Variants in MLIP observed in about 807,000 individuals in gnomAD.
MLIP encodes the protein muscular LMNA interacting protein, also known as muscular LMNA-interacting protein.
In MLIP, 79 loss-of-function variants were observed where a neutral mutation model predicts 84.8. The ratio of observed to expected loss-of-function variants is 0.93; its 90% CI spans 0.78 to 1.12. The LOEUF (loss-of-function observed/expected upper bound fraction) is 1.12, where lower values mean the gene tolerates loss of function less well. MLIP is among the 50% of genes most tolerant of loss of function. The probability of loss-of-function intolerance (pLI) is 0.00; values close to 1 mark genes in which losing one functional copy is unlikely to be tolerated. For missense variants in MLIP, 1,257 were observed against 1,160.6 expected, an observed-to-expected ratio of 1.08 and a Z score of -1.21; for synonymous variants, 504 against 463.0, an observed-to-expected ratio of 1.09 and a Z score of -1.14.
rs145964847 is a variant in MLIP at position 54,230,881 on chromosome 6, T to A, written c.2886T>A (p.Asn962Lys). The change falls in exon 12 of 14, where the codon AAT becomes AAA. Residue 962 changes from asparagine (N) to lysine (K), a missense_variant. By Grantham distance (94) the Asn-to-Lys change is moderately conservative. Transcript: ENST00000502396. The stretch of plus-strand genomic sequence containing the variant: ...TCTCCTTGAGTGATGAACAGGAGAA[T>A]TCTCACACCCTCCTCAGTCACAACG... ...LSFSLSDEQENSHTLLSHNAC... is the reference protein window; with the variant it reads ...LSFSLSDEQEKSHTLLSHNAC... 4.3e-6 allele frequency: 7 copies of A among 1,613,848 alleles called. No homozygotes were observed. The highest frequency in any genetic ancestry group is 2.7e-5 in the African/African-American group (2 of 74,876).
intron 1 of MLIP, among the ~76,000 whole-genome samples, chr6:54,038,719 C>T (rs1764582708): frequency 6.6e-6 from 1 of 151,824 alleles, no homozygotes; most frequent in Non-Finnish European, 1.5e-5. Context: ...AAAAAGTCTC[C>T]TGAACTTTTG....
chr6:54,056,030 C>T (rs114178436), intron 1 of MLIP, among the ~76,000 whole-genome samples: 106 of 152,152 alleles, frequency 7.0e-4, no homozygotes, highest in African/African-American at 2.0e-3. Context: ...AACTTCTCTA[C>T]GACAACCATA....
upstream of MLIP, among the ~76,000 whole-genome samples, chr6:54,106,984 G>A (rs767620532): frequency 2.0e-5 from 3 of 152,138 alleles, no homozygotes; most frequent in Non-Finnish European, 4.4e-5. Context: ...GATAGGAAGA[G>A]GACTGAAAGG....
chr6:54,124,869 G>A lies in MLIP; in HGVS notation c.645+4G>A. The stretch of plus-strand genomic sequence containing the variant: ...CCCTCAGCAAAAGCATGGGCAGGTA[G>A]GTTTTGTGTTCCTGCTGTCCATAAG... On this transcript the variant is annotated splice_donor_region_variant and intron_variant, in intron 3 of 13. Transcript: ENST00000502396. The A allele has an allele frequency of 2.6e-6, 4 of 1,566,156 alleles. No individual in the cohort carries two copies. Among genetic ancestry groups the A allele is most frequent in the East Asian group, 2.3e-5 (1 of 44,430 alleles).
Position 54,172,184 on chromosome 6 carries a change from T to A in MLIP, c.2544+2612T>A, listed in dbSNP as rs996898092. 2.0e-5 allele frequency among the ~76,000 whole-genome samples: 3 copies of A among 151,824 alleles called. No homozygotes were observed. The East Asian group carries it at 5.8e-4, about 29-fold the overall frequency. ...TTCTTTAAAAGTATAATGTATCTGATTACTACACGTTGTATGTCTCAAAAC... is the reference window on the plus strand; with the variant it reads ...TTCTTTAAAAGTATAATGTATCTGAATACTACACGTTGTATGTCTCAAAAC... On this transcript the variant is annotated intron_variant, in intron 9 of 13. Transcript: ENST00000502396.
At chr6:54,027,845 G>A (rs1318850969) in intron 1 of MLIP, among the ~76,000 whole-genome samples, 2 of 152,190 alleles carry the variant, frequency 1.3e-5, no homozygotes, top group African/African-American at 4.8e-5. Flanking sequence ...TGGATCTTTT[G>A]ATATAGCTCT....
chr6:54,234,095 T>C (rs192090905), intron 12 of MLIP, among the ~76,000 whole-genome samples: 2 of 152,308 alleles, frequency 1.3e-5, no homozygotes, highest in Non-Finnish European at 2.9e-5. Flanking sequence ...TTCTGGATAT[T>C]AGCCCTTTGA....
In MLIP at chr6:54,136,814, A is replaced by G; in HGVS notation, c.745A>G (p.Asn249Asp). Reference sequence around the variant, plus strand: ...TCCGAACACACCACCCGACCCAGTTAACCTCGAGGGAGCCTCTGTCCTAGA... The same window carrying G: ...TCCGAACACACCACCCGACCCAGTTGACCTCGAGGGAGCCTCTGTCCTAGA... ...TNPNTPPDPV[N>D]LEGASVLEEF... Residue 249 changes from asparagine to aspartate, a missense_variant, in exon 4 of 14, where the codon AAC (asparagine) becomes GAC (aspartate). Physicochemically the swap from Asn to Asp is conservative, Grantham distance 23 (BLOSUM62 1). Transcript: ENST00000502396. The G allele has an allele frequency of 6.5e-7, 1 of 1,530,074 alleles. No homozygotes were observed. Among genetic ancestry groups the G allele is most frequent in the South Asian group, 1.2e-5 (1 of 83,962 alleles). The allele number at this position is 1,530,074 out of a possible 1,614,324, so 94.8% of individuals were successfully genotyped here.
chr6:54,198,551 G>A lies in MLIP; in HGVS notation c.2590-3554G>A, dbSNP rs148301354. On this transcript the variant is annotated intron_variant, in intron 10 of 13. Transcript: ENST00000502396. ...AATATGCAGAAACAAGCCCTTTGCT[G>A]TAACTCTGTGTGGTATAATTCCTGA... Among the ~76,000 whole-genome samples, 1,108 of 152,188 alleles carry A rather than the reference G, an allele frequency of 7.3e-3. 19 individuals are homozygous for A. Among genetic ancestry groups the A allele is most frequent in the African/African-American group, 0.025 (1,024 of 41,544 alleles).
At chr6:54,225,722 T>A (rs1439802763) in intron 11 of MLIP, among the ~76,000 whole-genome samples, 1 of 152,190 alleles carries the variant, frequency 6.6e-6, no homozygotes, top group African/African-American at 2.4e-5. Context: ...GAAAAGAATG[T>A]AATTGTCTCC....
chr6:54,208,653 C>T (rs929075669), intron 11 of MLIP, among the ~76,000 whole-genome samples: 1 of 152,192 alleles, frequency 6.6e-6, no homozygotes. Context: ...ACAAGAGTCT[C>T]TATCTCAAAC....
chr6:54,085,681 C>T (rs1186049174), intron 1 of MLIP, among the ~76,000 whole-genome samples: 1 of 152,180 alleles, frequency 6.6e-6, no homozygotes, highest in Non-Finnish European at 1.5e-5. Flanking sequence ...CTGTTAGAAG[C>T]CTTCAACTTG....
At chr6:54,026,714 AGTGTGTGT>A (rs61442646) in intron 1 of MLIP, among the ~76,000 whole-genome samples, 1 of 149,804 alleles carries the variant, frequency 6.7e-6, no homozygotes. Flanking sequence ...CTGTGTCTTC[AGTGTGTGT>A]GTGTGTGTGT....
At chr6:54,170,689 G>T (rs1223660633) in intron 9 of MLIP, among the ~76,000 whole-genome samples, 2 of 151,482 alleles carry the variant, frequency 1.3e-5, no homozygotes, top group Admixed American at 1.3e-4. Context: ...ATGAAATGGG[G>T]ATACTAATAA....
At chr6:54,034,986 T>C (rs978725756) in intron 1 of MLIP, among the ~76,000 whole-genome samples, 1 of 152,176 alleles carries the variant, frequency 6.6e-6, no homozygotes, top group African/African-American at 2.4e-5. Context: ...TATACCATTG[T>C]GTTACAGTTG....
chr6:54,089,176 T>C (rs76731296), intron 1 of MLIP, among the ~76,000 whole-genome samples: 1,838 of 152,280 alleles, frequency 0.012, 32 homozygotes, highest in African/African-American at 0.041. Flanking sequence ...TTAAAAGACA[T>C]ATACAAATTT....
chr6:54,092,180 C>G (rs964864583), intron 1 of MLIP, among the ~76,000 whole-genome samples: 1 of 152,158 alleles, frequency 6.6e-6, no homozygotes, highest in African/African-American at 2.4e-5. Flanking sequence ...CACGCACTGG[C>G]ACTACAGTTT....
upstream of MLIP, chr6:54,111,304 T>C (rs1769441696): frequency 8.9e-7 from 1 of 1,125,702 alleles, no homozygotes; most frequent in Admixed American, 3.2e-5. Context: ...ATCTAAAAAT[T>C]GTCAAAACAG....
intron 1 of MLIP, among the ~76,000 whole-genome samples, chr6:54,093,620 G>A (rs566177327): frequency 6.6e-6 from 1 of 152,212 alleles, no homozygotes; most frequent in Admixed American, 6.5e-5. Context: ...TTAGCATTTG[G>A]TGCTTACAAA....
Sources: allele counts gnomAD v4.1 joint callset (sites outside exome capture counted in the v4.1 genomes callset), GRCh38; gene constraint gnomAD v4.1.1; transcripts MANE v1.5; gene names NCBI Gene and HGNC (gene_info 2026-07-23, HGNC 2026-07-21).